BAHCC1: variants seen among roughly 807,000 people sequenced by gnomAD.
The protein encoded by BAHCC1 is BAH and coiled-coil domain-containing protein 1.
In BAHCC1, 43 loss-of-function variants were observed where a neutral mutation model predicts 88.2. That is an observed-to-expected ratio of 0.49 (90% confidence interval 0.38 to 0.63). BAHCC1 has a LOEUF of 0.63. Among genes scored for constraint, BAHCC1 ranks in the 20% least tolerant of loss-of-function variants. The pLI, the probability that BAHCC1 is intolerant of heterozygous loss-of-function variation, is 0.00. For synonymous variants in BAHCC1, 1,510 were observed against 745.5 expected (o/e 2.03, Z -16.71); for missense variants, 3,023 against 1,654.8 (o/e 1.83, Z -14.34).
In BAHCC1 at chr17:81,443,499, G is replaced by A. The variant is rs1028099956; in HGVS notation, c.2150G>A (p.Ser717Asn). The A allele has an allele frequency of 7.1e-6, 5 of 704,226 alleles. No homozygotes were observed. In the African/African-American group the frequency reaches 8.7e-5, roughly 12 times the overall value. The allele number at this position is 704,226 out of a possible 1,614,324, so 43.6% of individuals were successfully genotyped here. ...VALARQKDTV[S>N]RSEAAYGTNT... ...TTGGCCCGGCAGAAGGACACAGTGA[G>A]CCGGTCTGAGGCAGCCTACGGCACC... The change falls in exon 5 of 28, where the codon AGC becomes AAC. Residue 717 changes from serine (S) to asparagine (N), a missense_variant. By Grantham distance (46) the Ser-to-Asn change is conservative (BLOSUM62 1). Coordinates refer to ENST00000675386, the MANE Select transcript of BAHCC1 (RefSeq NM_001377448.1).
rs782107370 is a variant in BAHCC1, at chr17:81,455,341, G to A, written c.4520G>A (p.Arg1507Gln). 1.5e-5 allele frequency: 11 copies of A among 716,996 alleles called. No homozygotes were observed. The highest frequency in any genetic ancestry group is 2.3e-4 in the Middle Eastern group (1 of 4,392). 44.4% of individuals were successfully genotyped at this position (716,996 alleles called of 1,614,324 possible). A position where few individuals can be genotyped will look rare whatever the true frequency, so the allele number is the denominator to read the frequency against. ...GGSGGEPAKK[R>Q]SKLERSVYAG... ...AGTGGGGGCGAGCCTGCGAAGAAGC[G>A]AAGCAAGCTGGAGAGGAGCGTCTAT... Residue 1507 changes from arginine to glutamine, a missense_variant, in exon 15 of 28, where the codon CGA (arginine) becomes CAA (glutamine). Coordinates refer to ENST00000675386, the MANE Select transcript of BAHCC1 (RefSeq NM_001377448.1).
At position 81,461,560 on chromosome 17, in the gene BAHCC1, G is replaced by T. The variant is rs782467655; in HGVS notation, c.6897G>T (p.Gly2299=). Reference sequence around the variant, plus strand: ...CCTTCTCGGACGAGGACGAGGACGGGCCGGGGCTGGCGGCCGGCGTGCCCT... The same window carrying T: ...CCTTCTCGGACGAGGACGAGGACGGTCCGGGGCTGGCGGCCGGCGTGCCCT... ...HSSFSDEDED[G]PGLAAGVPSR... is the part of the protein sequence containing the mutation. Residue 2299 remains glycine (G), a synonymous_variant, in exon 26 of 28, where the codon GGG becomes GGT. Transcript: ENST00000675386. 1.5e-4 allele frequency: 107 copies of T among 722,310 alleles called. 2 individuals carry two copies. In the South Asian group the frequency reaches 1.5e-3, roughly 10 times the overall value. 44.7% of individuals were successfully genotyped at this position (722,310 alleles called of 1,614,324 possible).
chr17:81,455,914 G>A (rs1555657147), intron 15 of BAHCC1, among the ~76,000 whole-genome samples: 1 of 152,126 alleles, frequency 6.6e-6, no homozygotes, highest in African/African-American at 2.4e-5. Context: ...GGCGGGGCTG[G>A]TGAGACGTGG....
intron 2 of BAHCC1, chr17:81,401,119 C>T (rs900053830): frequency 7.2e-5 from 11 of 152,340 alleles, no homozygotes; most frequent in Admixed American, 4.6e-4. Context: ...TGGATTAAAA[C>T]GGATGGCAGA....
intron 16 of BAHCC1, 83 bp downstream of exon 16, chr17:81,456,668 G>A: frequency 1.6e-6 from 1 of 639,906 alleles, no homozygotes; most frequent in Non-Finnish European, 2.8e-6. Flanking sequence ...GCAGGTTCAT[G>A]GCCGCCACCA....
intron 2 of BAHCC1, chr17:81,415,488 A>C (rs1302911342): frequency 2.0e-6 from 1 of 507,698 alleles, no homozygotes; most frequent in African/African-American, 1.9e-5. Context: ...CTGTACCAAA[A>C]GCAGTTGGCT....
At chr17:81,418,030 C>G (rs1555648999) in intron 2 of BAHCC1, among the ~76,000 whole-genome samples, 1 of 152,266 alleles carries the variant, frequency 6.6e-6, no homozygotes, top group South Asian at 2.1e-4. Flanking sequence ...CTTCGTGGAG[C>G]CACAGGTGGT....
chr17:81,407,627 A>G (rs529939706), intron 2 of BAHCC1, among the ~76,000 whole-genome samples: 13 of 152,328 alleles, frequency 8.5e-5, no homozygotes, highest in African/African-American at 2.9e-4. Flanking sequence ...CCTCTCAGGC[A>G]TGAACAGACA....
intron 16 of BAHCC1, among the ~76,000 whole-genome samples, chr17:81,456,981 G>A (rs1450472742): frequency 6.6e-6 from 1 of 152,032 alleles, no homozygotes; most frequent in Non-Finnish European, 1.5e-5. Flanking sequence ...AGAAACAGGA[G>A]CCTAGAAAAA....
intron 3 of BAHCC1, among the ~76,000 whole-genome samples, chr17:81,427,254 C>T (rs1598473902): frequency 6.6e-6 from 1 of 152,192 alleles, no homozygotes; most frequent in South Asian, 2.1e-4. Flanking sequence ...CCAGGAGGGG[C>T]TCTGGGGAGC....
At chr17:81,415,423 A>G (rs891088856) in intron 2 of BAHCC1, 4 of 398,602 alleles carry the variant, frequency 1.0e-5, no homozygotes, top group South Asian at 1.9e-5. Flanking sequence ...GGCAGGGGGC[A>G]TACGTCCCCC....
intron 14 of BAHCC1, 40 bp downstream of exon 14, chr17:81,452,891 G>C: frequency 1.5e-6 from 1 of 685,396 alleles, no homozygotes; most frequent in Non-Finnish European, 2.6e-6. Context: ...GCGTGTGGCC[G>C]GCCCTGGGCC....
chr17:81,402,198 C>A (rs1701), intron 2 of BAHCC1: 41,376 of 152,160 alleles, frequency 0.27, 6,909 homozygotes, highest in Middle Eastern at 0.42. Context: ...TTTCCTCCCC[C>A]CTGCGGACCG....
Position 81,461,613 on chromosome 17 carries a change from C to T in BAHCC1, c.6950C>T (p.Ser2317Phe), listed in dbSNP as rs2030287710. The T allele has an allele frequency of 1.4e-6, 1 of 738,436 alleles. No individual in the cohort carries two copies. Among genetic ancestry groups the T allele is most frequent in the South Asian group, 1.4e-5 (1 of 69,286 alleles). The allele number at this position is 738,436 out of a possible 1,614,324, so 45.7% of individuals were successfully genotyped here. Residue 2317 changes from serine (S) to phenylalanine (F), a missense_variant, in exon 26 of 28, where the codon TCC (serine) becomes TTC (phenylalanine). Ser to Phe is a radical substitution (Grantham distance 155). Coordinates refer to ENST00000675386, the MANE Select transcript of BAHCC1 (RefSeq NM_001377448.1). The stretch of plus-strand genomic sequence containing the variant: ...CGCTTCCTCGCCCGCCTGTCCGTGT[C>T]CTCTTCCTCCTCTGGCTCGTCCACC... ...PSRFLARLSV[S>F]SSSSGSSTSS...
At chr17:81,416,905 C>T (rs1164461543) in intron 2 of BAHCC1, among the ~76,000 whole-genome samples, 6 of 152,198 alleles carry the variant, frequency 3.9e-5, no homozygotes, top group East Asian at 3.9e-4. Flanking sequence ...GCACTAGAGT[C>T]TCCCTACAGC....
At chr17:81,397,916 A>G (rs1300719768) in intron 1 of BAHCC1, among the ~76,000 whole-genome samples, 2 of 152,250 alleles carry the variant, frequency 1.3e-5, no homozygotes, top group Non-Finnish European at 2.9e-5. Flanking sequence ...AGCTGAGCAA[A>G]TATGTATTCA....
Position 81,426,907 on chromosome 17 carries a change from TC to T in BAHCC1, c.293del (p.Pro98LeufsTer40). On this transcript the variant is annotated frameshift_variant, in exon 3 of 28. Transcript: ENST00000675386. LOFTEE classifies it high-confidence loss of function. ...CACGCACCCCAGCGGCCCCAGCTCC[TC>T]CCCCCCTGAGCAGGCCTACCGTGGC... ...ASTHPSGPSS[S>X]PPEQAYRGSH... The T allele has an allele frequency of 2.5e-6, 1 of 398,246 alleles. No individual in the cohort carries two copies. Among genetic ancestry groups the T allele is most frequent in the African/African-American group, 2.1e-5 (1 of 48,396 alleles). 24.7% of individuals were successfully genotyped at this position (398,246 alleles called of 1,614,324 possible). A position where few individuals can be genotyped will look rare whatever the true frequency, so the allele number is the denominator to read the frequency against.
intron 3 of BAHCC1, among the ~76,000 whole-genome samples, chr17:81,437,167 G>A (rs907327611): frequency 1.9e-4 from 29 of 152,106 alleles, no homozygotes; most frequent in African/African-American, 5.5e-4. Context: ...GCCCTGCCCC[G>A]CCCAGCTGCG....
chr17:81,427,680 A>G (rs1238818013), intron 3 of BAHCC1, among the ~76,000 whole-genome samples: 1 of 152,132 alleles, frequency 6.6e-6, no homozygotes, highest in Non-Finnish European at 1.5e-5. Flanking sequence ...AGTTGCTGGT[A>G]TTCCCTCGGC....
Sources: allele counts gnomAD v4.1 joint callset (sites outside exome capture counted in the v4.1 genomes callset), GRCh38; gene constraint gnomAD v4.1.1; transcripts MANE v1.5; gene names NCBI Gene and HGNC (gene_info 2026-07-23, HGNC 2026-07-21).